SMPD3: variants seen among roughly 807,000 people sequenced by gnomAD.
The protein encoded by SMPD3 is nSMase-2.
SMPD3 carries 21 observed loss-of-function variants against 55.7 expected under a neutral mutation model. The ratio of observed to expected loss-of-function variants is 0.38; its 90% CI spans 0.27 to 0.54. The LOEUF is 0.54. Among genes scored for constraint, SMPD3 ranks in the 20% least tolerant of loss-of-function variants. The pLI is 0.80. For synonymous variants in SMPD3, 457 were observed against 404.3 expected (o/e 1.13, Z -1.56); for missense variants, 842 against 899.6 (o/e 0.94, Z 0.82).
chr16:68,448,160 A>G (rs1053070257), intron 1 of SMPD3, among the ~76,000 whole-genome samples, 193 bp downstream of exon 1: 29 of 152,170 alleles, frequency 1.9e-4, no homozygotes, highest in African/African-American at 5.8e-4. Flanking sequence ...AGCCTTCTCC[A>G]TGATAAAACG....
At chr16:68,385,216 G>C (rs2090031775) in intron 2 of SMPD3, among the ~76,000 whole-genome samples, 1 of 152,172 alleles carries the variant, frequency 6.6e-6, no homozygotes, top group African/African-American at 2.4e-5. Context: ...TCCCTGAGAG[G>C]TGCAGCCAAG....
chr16:68,363,412 C>T (rs2089374360), intron 7 of SMPD3, 84 bp downstream of exon 7: 2 of 1,484,140 alleles, frequency 1.3e-6, no homozygotes, highest in South Asian at 1.1e-5. Flanking sequence ...CCGAGCTGAG[C>T]TCTCCCATGT....
At position 68,361,056 on chromosome 16, in the gene SMPD3, G is replaced by A. The variant is rs1434599885; in HGVS notation, c.*150C>T. ...CAGTGAGGCCCAGAGGCGCAGAGCA[G>A]CGCAGCTTCCAGGTTCCCGGGCACT... On this transcript the variant is annotated 3_prime_UTR_variant, in exon 9 of 9. Coordinates refer to ENST00000219334, the MANE Select transcript of SMPD3 (RefSeq NM_018667.4). 11 of 701,386 alleles carry A rather than the reference G, an allele frequency of 1.6e-5. No individual in the cohort carries two copies. In the Admixed American group the frequency reaches 3.0e-4, roughly 19 times the overall value. 43.4% of individuals were successfully genotyped at this position (701,386 alleles called of 1,614,324 possible).
At chr16:68,441,391 T>G (rs1364057874) in intron 1 of SMPD3, among the ~76,000 whole-genome samples, 1 of 152,160 alleles carries the variant, frequency 6.6e-6, no homozygotes. Context: ...GGAAACAGTC[T>G]AGAACAACAC....
At chr16:68,367,833 C>G (rs1266777720) in intron 3 of SMPD3, 1 of 152,248 alleles carries the variant, frequency 6.6e-6, no homozygotes, top group Non-Finnish European at 1.5e-5. Flanking sequence ...CCTTTGAGTC[C>G]TGGCGGGCAA....
chr16:68,442,416 G>C (rs959308020), intron 1 of SMPD3, among the ~76,000 whole-genome samples: 2 of 152,198 alleles, frequency 1.3e-5, no homozygotes, highest in Non-Finnish European at 2.9e-5. Flanking sequence ...ATTTCTATAA[G>C]AAAGGACTTA....
chr16:68,415,911 C>T (rs1227362307), intron 1 of SMPD3, among the ~76,000 whole-genome samples: 4 of 151,696 alleles, frequency 2.6e-5, no homozygotes, highest in African/African-American at 9.7e-5. Flanking sequence ...GTTTTTGGCT[C>T]CTTTACAAAC....
rs1281217620 is a variant in SMPD3, at chr16:68,404,285, A to G, written c.-268-17626T>C. Among the ~76,000 whole-genome samples, 1 of 150,338 alleles carries G rather than the reference A, an allele frequency of 6.7e-6. No individual in the cohort carries two copies. The highest frequency in any genetic ancestry group is 6.6e-5 in the Admixed American group (1 of 15,096). ...CTGGCTAATTTTGTATTTTTAGTAG[A>G]GATGGGGTTTCTCCATGTCGGTCAG... On this transcript the variant is annotated intron_variant, in intron 1 of 8. Transcript: ENST00000219334. This position sits in a 1 kb window ranked among gnomAD's most constrained non-coding sequence, Gnocchi z 4.0.
chr16:68,423,677 C>G (rs779886779), intron 1 of SMPD3, among the ~76,000 whole-genome samples: 8 of 152,168 alleles, frequency 5.3e-5, no homozygotes, highest in Non-Finnish European at 1.0e-4. Flanking sequence ...TCTTTTTCTT[C>G]CTACTGGTCT....
At chr16:68,364,640 C>G in intron 5 of SMPD3, 111 bp downstream of exon 5, 1 of 1,256,586 alleles carries the variant, frequency 8.0e-7, no homozygotes, top group Non-Finnish European at 1.1e-6. Flanking sequence ...CGCCCACATG[C>G]TCTCGAGGAG....
intron 1 of SMPD3, among the ~76,000 whole-genome samples, chr16:68,396,138 C>G (rs2090155165): frequency 6.6e-6 from 1 of 152,234 alleles, no homozygotes; most frequent in Admixed American, 6.5e-5. Flanking sequence ...CTACTCCCAA[C>G]CCCTCCGTGG....
chr16:68,361,493 G>GT (rs951463261), intron 8 of SMPD3, 110 bp downstream of exon 8: 30 of 1,488,556 alleles, frequency 2.0e-5, no homozygotes, highest in Non-Finnish European at 2.5e-5. Context: ...GGGTATCATT[G>GT]TAAGAGTGGC....
chr16:68,422,186 A>G (rs1211203248), intron 1 of SMPD3, among the ~76,000 whole-genome samples: 2 of 152,238 alleles, frequency 1.3e-5, no homozygotes, highest in Non-Finnish European at 1.5e-5. Flanking sequence ...GCTCAGTGAA[A>G]TTGATTTTGG....
intron 1 of SMPD3, among the ~76,000 whole-genome samples, chr16:68,419,467 G>A (rs891169194): frequency 6.6e-6 from 1 of 152,230 alleles, no homozygotes; most frequent in Non-Finnish European, 1.5e-5. Flanking sequence ...TATATCACAT[G>A]TGGGGACAAT....
At chr16:68,361,439 T>C in intron 8 of SMPD3, 132 bp from the exon 9 acceptor site, 2 of 1,363,640 alleles carry the variant, frequency 1.5e-6, no homozygotes, top group Non-Finnish European at 2.0e-6. Context: ...GTCAGAGGGA[T>C]GGGGCCTGGA....
rs559616362 is a variant in SMPD3 at position 68,402,456 on chromosome 16, G to C, written c.-268-15797C>G. On this transcript the variant is annotated intron_variant, in intron 1 of 8. Transcript: ENST00000219334. ...AAGCTGTAGGAGTCCCACAGAGCAG[G>C]GCCCACATGAGGTCAGTGGGTACAT... Among the ~76,000 whole-genome samples the C allele has an allele frequency of 2.6e-5, 4 of 152,288 alleles. No homozygotes were observed. The South Asian group carries it at 8.3e-4, about 32-fold the overall frequency.
At position 68,371,933 on chromosome 16, in the gene SMPD3, G is replaced by A; in HGVS notation, c.249C>T (p.Leu83=). The A allele has an allele frequency of 6.2e-7, 1 of 1,611,756 alleles. No homozygotes were observed. Among genetic ancestry groups the A allele is most frequent in the South Asian group, 1.1e-5 (1 of 90,466 alleles). Residue 83 remains leucine, a synonymous_variant, in exon 3 of 9, where the codon CTC becomes CTT. Coordinates refer to ENST00000219334, the MANE Select transcript of SMPD3 (RefSeq NM_018667.4). ...GGGCCGACTGCAGTGGGGACCAGAA[G>A]AGAAAGCCGAGAAACGCAAAGGGCA... ...ASLPFAFLGF[L]FWSPLQSARR...
rs148519323 is a variant in SMPD3 at position 68,392,395 on chromosome 16, G to A, written c.-268-5736C>T. ...ACATGTTTAATGTAGGCTAGGTTAA[G>A]CTATAATGTTTGCTAGTTTAGGTGT... On this transcript the variant is annotated intron_variant, in intron 1 of 8. Transcript: ENST00000219334. Among the ~76,000 whole-genome samples the A allele has an allele frequency of 2.2e-3, 329 of 152,318 alleles. 4 individuals are homozygous for A. The South Asian group carries it at 0.031, about 14-fold the overall frequency.
intron 1 of SMPD3, among the ~76,000 whole-genome samples, chr16:68,390,952 AG>A (rs2090106069): frequency 6.6e-6 from 1 of 152,168 alleles, no homozygotes; most frequent in Non-Finnish European, 1.5e-5. Flanking sequence ...GTAACACTAC[AG>A]GGTGGTGAGT....
Sources: allele counts gnomAD v4.1 joint callset (sites outside exome capture counted in the v4.1 genomes callset), GRCh38; gene constraint gnomAD v4.1.1; non-coding constraint Gnocchi (gnomAD v3.1); transcripts MANE v1.5; gene names NCBI Gene and HGNC (gene_info 2026-07-23, HGNC 2026-07-21).